The following SYMPK variants were observed in gnomAD, a reference collection of about 807,000 sequenced individuals.
SYMPK encodes symplekin scaffold protein, also known as symplekin.
A neutral mutation model predicts 136.4 loss-of-function variants in SYMPK; 49 were observed. That is an observed-to-expected ratio of 0.36 (90% CI 0.29 to 0.46). SYMPK has a LOEUF of 0.46. SYMPK is among the 20% of genes least tolerant of loss of function. The probability of loss-of-function intolerance (pLI) is 1.00; values close to 1 mark genes in which losing one functional copy is unlikely to be tolerated. For missense variants in SYMPK, 1,365 were observed against 1,690.0 expected, an observed-to-expected ratio of 0.81 and a Z score of 3.37; for synonymous variants, 766 against 713.0, an observed-to-expected ratio of 1.07 and a Z score of -1.19.
At chr19:45,818,316 C>G (rs1568606586) in intron 22 of SYMPK, among the ~76,000 whole-genome samples, 170 bp from the exon 23 acceptor site, 1 of 152,190 alleles carries the variant, frequency 6.6e-6, no homozygotes, top group Non-Finnish European at 1.5e-5. Context: ...AGGCACACTG[C>G]AAGCCCCGCC....
chr19:45,859,630 G>A (rs1971913911), intron 1 of SYMPK, among the ~76,000 whole-genome samples: 1 of 149,954 alleles, frequency 6.7e-6, no homozygotes. Flanking sequence ...ACAAAGAAAG[G>A]AAAGAAAACA....
chr19:45,821,475 G>A lies in SYMPK; in HGVS notation c.2802C>T (p.Asn934=), dbSNP rs753640380. The A allele has an allele frequency of 3.7e-6, 6 of 1,613,346 alleles. No individual in the cohort carries two copies. The highest frequency in any genetic ancestry group is 1.1e-5 in the South Asian group (1 of 91,072). Residue 934 remains asparagine, a synonymous_variant, in exon 22 of 27, where the codon AAC becomes AAT. Transcript: ENST00000245934. The surrounding 1 kb of genome is among the most constrained non-coding windows in gnomAD (Gnocchi z 4.4). ...RLLGTQHGEG[N]SALSPLNPGE... ...CAGGGTTCAGCGGGGACAAGGCTGA[G>A]TTTCCCTCACCTGCAGCAGGCGGGA... is the stretch of plus-strand genomic sequence containing the variant.
chr19:45,844,213 G>C lies in SYMPK; in HGVS notation c.677-13C>G, dbSNP rs776019478. ...TCCCATAGCACGTCTAAGAGACAGAGAGGAGAACCAGTCAGTGGGATCCGT... is the reference window on the plus strand; with the variant it reads ...TCCCATAGCACGTCTAAGAGACAGACAGGAGAACCAGTCAGTGGGATCCGT... On this transcript the variant is annotated splice_polypyrimidine_tract_variant and intron_variant, in intron 7 of 26. Coordinates refer to ENST00000245934, the MANE Select transcript of SYMPK (RefSeq NM_004819.3). 1.3e-6 allele frequency: 2 copies of C among 1,561,004 alleles called. No homozygotes were observed. The highest frequency in any genetic ancestry group is 1.2e-5 in the South Asian group (1 of 82,714).
chr19:45,824,407 CAGATAACTTTTCTGCAAAGTG>C (rs1970988806), intron 18 of SYMPK, among the ~76,000 whole-genome samples: 1 of 152,158 alleles, frequency 6.6e-6, no homozygotes, highest in African/African-American at 2.4e-5. Flanking sequence ...ACAGCCCTGC[CAGATAACTTTTCTGCAAAGTG>C]AGATCACTTT....
At chr19:45,844,982 AGG>A (rs1194826953) in intron 7 of SYMPK, among the ~76,000 whole-genome samples, 3 of 152,242 alleles carry the variant, frequency 2.0e-5, no homozygotes, top group Non-Finnish European at 4.4e-5. Flanking sequence ...TATCACCATC[AGG>A]GTAAATGGGG....
At chr19:45,827,446 A>T in intron 16 of SYMPK, 64 bp downstream of exon 16, 1 of 1,179,688 alleles carries the variant, frequency 8.5e-7, no homozygotes, top group Middle Eastern at 2.0e-4. Flanking sequence ...CTGGTTACTC[A>T]GGATAGAGGC....
At chr19:45,828,121 C>A (rs1327172085) in intron 14 of SYMPK, 9 of 553,516 alleles carry the variant, frequency 1.6e-5, no homozygotes, top group Non-Finnish European at 2.9e-5. Context: ...CTGCACCTCT[C>A]TGAAACTCAT....
chr19:45,837,053 C>T (rs1374060856), intron 10 of SYMPK, among the ~76,000 whole-genome samples: 2 of 152,000 alleles, frequency 1.3e-5, no homozygotes, highest in African/African-American at 4.8e-5. Flanking sequence ...TGGGAACAAA[C>T]ATTCAAAGAA....
chr19:45,823,951 CT>C (rs11284049), intron 18 of SYMPK, 76 bp from the exon 19 acceptor site: 1,038,137 of 1,222,272 alleles, frequency 0.85, 442,360 homozygotes, highest in African/African-American at 0.95. Context: ...GGCAGGGTGG[CT>C]TGCGGGGCAT....
In SYMPK at chr19:45,835,196, G is replaced by T. The variant is rs956168237; in HGVS notation, c.1275C>A (p.Ala425=). The change falls in exon 11 of 27, where the codon GCC becomes GCA. Residue 425 remains alanine, a synonymous_variant. Coordinates refer to ENST00000245934, the MANE Select transcript of SYMPK (RefSeq NM_004819.3). ...VLISMVYLPE[A]MPASFQAIYT... The stretch of plus-strand genomic sequence containing the variant: ...AGATGGCCTGGAAGGAGGCTGGCAT[G>T]GCCTCGGGTAGGTACACCATGCTGA... The T allele has an allele frequency of 1.2e-6, 2 of 1,610,456 alleles. No homozygotes were observed. The highest frequency in any genetic ancestry group is 8.5e-7 in the Non-Finnish European group (1 of 1,178,314).
intron 22 of SYMPK, chr19:45,820,309 G>A (rs1431768018): frequency 1.3e-5 from 2 of 152,372 alleles, no homozygotes; most frequent in East Asian, 1.9e-4. Context: ...CCTGGCCTAT[G>A]AGCCTGGAGA....
chr19:45,844,084 G>T lies in SYMPK; in HGVS notation c.793C>A (p.Arg265Ser), dbSNP rs767958811. The T allele has an allele frequency of 6.2e-7, 1 of 1,611,582 alleles. No individual in the cohort carries two copies. The highest frequency in any genetic ancestry group is 8.5e-7 in the Non-Finnish European group (1 of 1,178,872). Reference sequence around the variant, plus strand: ...TCAGACATGAACATGGGTCTCTGGCGGGCGATATTGGCAAGGGAGCCCAGC... The same window carrying T: ...TCAGACATGAACATGGGTCTCTGGCTGGCGATATTGGCAAGGGAGCCCAGC... Reference protein sequence around the residue: ...TALGSLANIARQRPMFMSEVI... With the variant: ...TALGSLANIASQRPMFMSEVI... The change falls in exon 8 of 27, where the codon CGC (arginine) becomes AGC (serine). Residue 265 changes from arginine to serine, a missense_variant. Arg to Ser is a moderately radical substitution (Grantham distance 110, BLOSUM62 -1). Coordinates refer to ENST00000245934, the MANE Select transcript of SYMPK (RefSeq NM_004819.3).
chr19:45,847,795 G>A lies in SYMPK; in HGVS notation c.633C>T (p.Ile211=). ...SEIPRRQEHD[I]SLDRIPRDHP... ...GGTCACGAGGGATGCGGTCCAGGCT[G>A]ATATCATGCTCCTGGCGTCGGGGTA... The change falls in exon 7 of 27, where the codon ATC becomes ATT. Residue 211 remains isoleucine, a synonymous_variant. Transcript: ENST00000245934. The A allele has an allele frequency of 6.2e-7, 1 of 1,614,134 alleles. No individual in the cohort carries two copies. Among genetic ancestry groups the A allele is most frequent in the Non-Finnish European group, 8.5e-7 (1 of 1,180,038 alleles).
Position 45,830,060 on chromosome 19 carries a change from T to C in SYMPK, c.1743A>G (p.Ala581=). The C allele has an allele frequency of 6.4e-7, 1 of 1,551,428 alleles. No homozygotes were observed. Among genetic ancestry groups the C allele is most frequent in the Non-Finnish European group, 8.7e-7 (1 of 1,146,298 alleles). ...GGGGGTGGCAGGCGCACACCTGGGC[T>C]GCCCCGCTGCAGGCCACAGCCTTCT... ...RAEKAVACSG[A]AQVRIKILAS... The change falls in exon 13 of 27, where the codon GCA becomes GCG. Residue 581 remains alanine (A), a synonymous_variant. Transcript: ENST00000245934.
At chr19:45,850,016 G>C (rs1971661175) in intron 5 of SYMPK, among the ~76,000 whole-genome samples, 1 of 152,048 alleles carries the variant, frequency 6.6e-6, no homozygotes, top group African/African-American at 2.4e-5. Context: ...TTGCACTCCA[G>C]CCTGGGCAAC....
At chr19:45,849,597 A>G (rs1267001141) in intron 5 of SYMPK, among the ~76,000 whole-genome samples, 1 of 152,252 alleles carries the variant, frequency 6.6e-6, no homozygotes, top group Non-Finnish European at 1.5e-5. Flanking sequence ...GCTCACTGCT[A>G]TACTACAGCC....
intron 7 of SYMPK, among the ~76,000 whole-genome samples, chr19:45,846,137 G>A (rs1331844333): frequency 6.6e-6 from 1 of 152,222 alleles, no homozygotes; most frequent in Non-Finnish European, 1.5e-5. Flanking sequence ...TCGGGAGGCT[G>A]AGGCAGGAGA....
intron 17 of SYMPK, among the ~76,000 whole-genome samples, chr19:45,825,890 C>T (rs1427490117): frequency 6.6e-6 from 1 of 152,222 alleles, no homozygotes; most frequent in Non-Finnish European, 1.5e-5. Context: ...ATGGCCCAAG[C>T]CTTCCCATTT....
rs368278331 is a variant in SYMPK at position 45,842,461 on chromosome 19, C to G, written c.876G>C (p.Ser292=). 6.2e-7 allele frequency: 1 copy of G among 1,613,510 alleles called. No homozygotes were observed. The highest frequency in any genetic ancestry group is 8.5e-7 in the Non-Finnish European group (1 of 1,179,624). ...HANLPPTLAK[S]QVSSVRKNLK... ...GATTCTTACGCACACTGCTCACCTG[C>G]GATTTGGCCAGCGTCGGGGGCAGGT... Residue 292 remains serine (S), a synonymous_variant, in exon 9 of 27, where the codon TCG becomes TCC. Transcript: ENST00000245934.
Sources: allele counts gnomAD v4.1 joint callset (sites outside exome capture counted in the v4.1 genomes callset), GRCh38; gene constraint gnomAD v4.1.1; non-coding constraint Gnocchi (gnomAD v3.1); transcripts MANE v1.5; gene names NCBI Gene and HGNC (gene_info 2026-07-23, HGNC 2026-07-21).